The following NCKAP5 variants were observed in gnomAD, a reference collection of about 807,000 sequenced individuals.
NCKAP5 encodes nck-associated protein 5.
Under a neutral mutation model 167.0 loss-of-function variants are expected in NCKAP5, and 92 were observed. The observed-to-expected ratio is 0.55, with a 90% CI of 0.47 to 0.66. NCKAP5 has a LOEUF of 0.66. Among genes scored for constraint, NCKAP5 ranks in the 30% least tolerant of loss-of-function variants. NCKAP5 has a pLI of 0.00. For synonymous variants in NCKAP5, 891 were observed against 877.4 expected (o/e 1.02, Z -0.27); for missense variants, 2,378 against 2,315.0 (o/e 1.03, Z -0.56).
At chr2:133,550,490 C>A (rs1687192631) in intron 2 of NCKAP5, among the ~76,000 whole-genome samples, 1 of 150,234 alleles carries the variant, frequency 6.7e-6, no homozygotes, top group Admixed American at 6.6e-5. Context: ...GAGCCAAAGA[C>A]AAAAACCACA....
intron 6 of NCKAP5, among the ~76,000 whole-genome samples, chr2:133,057,861 A>G (rs1180978860): frequency 6.6e-6 from 1 of 152,276 alleles, no homozygotes; most frequent in Admixed American, 6.5e-5. Context: ...CAGGACTTTC[A>G]TAGCTAGAGA....
At chr2:133,651,958 T>C in the NCKAP5 span, among the ~76,000 whole-genome samples, 2 of 152,210 alleles carry the variant, frequency 1.3e-5, no homozygotes, top group African/African-American at 2.4e-5. Context: ...TAGGAGTTCA[T>C]GGCCCACAGG....
chr2:132,838,950 C>A (rs949899849), intron 11 of NCKAP5, among the ~76,000 whole-genome samples: 21 of 152,300 alleles, frequency 1.4e-4, no homozygotes, highest in African/African-American at 5.1e-4. Context: ...CTTGCCTTTT[C>A]CTGAATACTA....
At chr2:132,794,263 T>TATATATAGAGAA (rs762281677) in intron 12 of NCKAP5, among the ~76,000 whole-genome samples, 2 of 11,892 alleles carry the variant, frequency 1.7e-4, no homozygotes, top group Admixed American at 1.8e-3. Context: ...TATATATATA[T>TATATATAGAGAA]AGAGAGAGAG....
chr2:133,098,173 AAAGT>A (rs1444037698), intron 6 of NCKAP5, among the ~76,000 whole-genome samples: 1 of 152,236 alleles, frequency 6.6e-6, no homozygotes, highest in Non-Finnish European at 1.5e-5. Context: ...ATAAATACCT[AAAGT>A]AAGAAAATTT....
At chr2:132,922,210 A>C (rs141450453) in intron 8 of NCKAP5, among the ~76,000 whole-genome samples, 6 of 152,286 alleles carry the variant, frequency 3.9e-5, no homozygotes, top group African/African-American at 1.2e-4. Context: ...TAATGCATTA[A>C]GGAGGAAAAG....
chr2:132,926,639 A>AT (rs894539677), intron 8 of NCKAP5, among the ~76,000 whole-genome samples: 46 of 152,052 alleles, frequency 3.0e-4, no homozygotes, highest in African/African-American at 9.9e-4. Flanking sequence ...AATGTTTAGC[A>AT]TTTTTTTCAT....
At chr2:133,214,153 A>G (rs2086329884) in intron 4 of NCKAP5, among the ~76,000 whole-genome samples, 1 of 152,108 alleles carries the variant, frequency 6.6e-6, no homozygotes, top group Non-Finnish European at 1.5e-5. Flanking sequence ...GTTGCTCTCC[A>G]CACCAATAAT....
chr2:132,954,655 T>C, intron 8 of NCKAP5: 1 of 454,806 alleles, frequency 2.2e-6, no homozygotes, highest in Non-Finnish European at 4.4e-6. Flanking sequence ...AACAGGCTAC[T>C]TAACTGTATA....
At chr2:132,817,026 G>T (rs1686328595) in intron 11 of NCKAP5, among the ~76,000 whole-genome samples, 1 of 152,098 alleles carries the variant, frequency 6.6e-6, no homozygotes, top group African/African-American at 2.4e-5. Flanking sequence ...TCACCACGTG[G>T]TACTGGTAAC....
intron 6 of NCKAP5, among the ~76,000 whole-genome samples, chr2:133,007,504 A>T (rs1263231247): frequency 6.6e-6 from 1 of 152,166 alleles, no homozygotes; most frequent in African/African-American, 2.4e-5. Context: ...ATAATCTATT[A>T]TACTAGTTGG....
chr2:133,033,920 G>C (rs1473003536), intron 6 of NCKAP5, among the ~76,000 whole-genome samples: 1 of 152,190 alleles, frequency 6.6e-6, no homozygotes, highest in Non-Finnish European at 1.5e-5. Context: ...CCTTAAAGAA[G>C]AGGTAGAAAA....
At position 133,520,224 on chromosome 2, in the gene NCKAP5, G is replaced by C. The variant is rs201232916; in HGVS notation, c.-61-2637C>G. On this transcript the variant is annotated intron_variant, in intron 2 of 19. Coordinates refer to ENST00000409261, the MANE Select transcript of NCKAP5 (RefSeq NM_207363.3). ...ATAAAAATAAAAATAAAAAGAGAGA[G>C]AGGACCCATTTCTTAGGAAGAAAAT... 1.2e-4 allele frequency among the ~76,000 whole-genome samples: 18 copies of C among 152,212 alleles called. No individual in the cohort carries two copies. In the East Asian group the frequency reaches 3.3e-3, roughly 28 times the overall value.
chr2:133,119,658 C>G (rs977290834), intron 6 of NCKAP5, among the ~76,000 whole-genome samples: 4 of 152,014 alleles, frequency 2.6e-5, no homozygotes, highest in Admixed American at 2.6e-4. Context: ...TTATGTACAT[C>G]TATTATCTAT....
intron 3 of NCKAP5, among the ~76,000 whole-genome samples, chr2:133,439,691 T>C (rs1054384406): frequency 1.3e-5 from 2 of 152,204 alleles, no homozygotes; most frequent in Admixed American, 6.5e-5. Flanking sequence ...AAATACACCA[T>C]GATCCTTGTC....
intron 5 of NCKAP5, among the ~76,000 whole-genome samples, chr2:133,147,424 C>T (rs1160006252): frequency 6.6e-6 from 1 of 152,094 alleles, no homozygotes; most frequent in Non-Finnish European, 1.5e-5. Context: ...AGCAAAACAG[C>T]AACATCCAGT....
chr2:133,647,344 A>G, the NCKAP5 span, among the ~76,000 whole-genome samples: 1 of 132,096 alleles, frequency 7.6e-6, no homozygotes, highest in Non-Finnish European at 1.5e-5. Context: ...AAAGAAAGGA[A>G]AGAAAGGAAA....
At chr2:132,720,722 G>A (rs1264086778) in intron 19 of NCKAP5, among the ~76,000 whole-genome samples, 1 of 152,144 alleles carries the variant, frequency 6.6e-6, no homozygotes, top group Non-Finnish European at 1.5e-5. Context: ...GAAATTCCAG[G>A]GAACCGGCCC....
chr2:133,202,166 T>C (rs1437805926), intron 5 of NCKAP5, among the ~76,000 whole-genome samples: 4 of 152,172 alleles, frequency 2.6e-5, no homozygotes, highest in Non-Finnish European at 5.9e-5. Flanking sequence ...CAAAACAGCA[T>C]GGTACTGGTA....
Sources: gnomAD v4.1 joint callset for allele counts (sites outside exome capture counted in the v4.1 genomes callset) on GRCh38, gnomAD v4.1.1 for gene constraint, MANE v1.5 for transcripts, NCBI Gene and HGNC (gene_info 2026-07-23, HGNC 2026-07-21) for gene names.